Variants in SLC9A8 observed in about 807,000 individuals in gnomAD.
SLC9A8 encodes the protein solute carrier family 9 member A8.
SLC9A8 carries 48 observed loss-of-function variants against 66.6 expected under a neutral mutation model. The ratio of observed to expected loss-of-function variants is 0.72; its 90% CI spans 0.57 to 0.92. The LOEUF is 0.92. SLC9A8 is among the 40% of genes least tolerant of loss of function. The probability of loss-of-function intolerance (pLI) is 0.00; values close to 1 mark genes in which losing one functional copy is unlikely to be tolerated. For missense variants in SLC9A8, 599 were observed against 747.3 expected (o/e 0.80, Z 2.31); for synonymous variants, 274 against 282.6 (o/e 0.97, Z 0.31).
intron 6 of SLC9A8, among the ~76,000 whole-genome samples, chr20:49,850,365 C>G (rs1246535289): frequency 6.6e-6 from 1 of 152,188 alleles, no homozygotes; most frequent in African/African-American, 2.4e-5. Flanking sequence ...TTGCCTGTCT[C>G]AGTTCTGAAA....
At chr20:49,840,946 G>A (rs1323266910) in intron 4 of SLC9A8, among the ~76,000 whole-genome samples, 20 of 147,804 alleles carry the variant, frequency 1.4e-4, no homozygotes, top group African/African-American at 4.5e-4. Flanking sequence ...GTGAAACTCC[G>A]TCTCTAAAAA....
Position 49,839,622 on chromosome 20 carries a change from C to A in SLC9A8, c.348+23C>A. 1.9e-6 allele frequency: 3 copies of A among 1,542,796 alleles called. No homozygotes were observed. In the South Asian group the frequency reaches 3.5e-5, roughly 18 times the overall value. ...AAGGTAGGTTTGCCCTTTGGTTGTT[C>A]TTAATTTTAGTAACATTGATCATTA... is the stretch of plus-strand genomic sequence containing the variant. On this transcript the variant is annotated intron_variant, in intron 4 of 15. Coordinates refer to ENST00000361573, the MANE Select transcript of SLC9A8 (RefSeq NM_015266.3).
chr20:49,821,707 G>A (rs949364971), intron 2 of SLC9A8, among the ~76,000 whole-genome samples: 6 of 152,114 alleles, frequency 3.9e-5, no homozygotes, highest in Non-Finnish European at 7.4e-5. Flanking sequence ...AGAAAGACAT[G>A]CACGCTAACA....
rs768399040 is a variant in SLC9A8, at chr20:49,815,024, A to G, written c.43A>G (p.Thr15Ala). ...GTCCTCCAGGAGGTTCCCCAATACAACTCATGAGGGTTTCAATGTCACCCT... is the reference window on the plus strand; with the variant it reads ...GTCCTCCAGGAGGTTCCCCAATACAGCTCATGAGGGTTTCAATGTCACCCT... The part of the protein sequence containing the change: ...MAEEERFPNT[T>A]HEGFNVTLHT... Residue 15 changes from threonine to alanine, a missense_variant, in exon 2 of 16, where the codon ACT becomes GCT. Coordinates refer to ENST00000361573, the MANE Select transcript of SLC9A8 (RefSeq NM_015266.3). 1.3e-5 allele frequency: 20 copies of G among 1,589,082 alleles called. No individual in the cohort carries two copies. Among genetic ancestry groups the G allele is most frequent in the Non-Finnish European group, 1.6e-5 (19 of 1,166,654 alleles).
At chr20:49,856,535 T>C (rs1043196218) in intron 8 of SLC9A8, among the ~76,000 whole-genome samples, 20 of 152,094 alleles carry the variant, frequency 1.3e-4, no homozygotes, top group African/African-American at 2.9e-4. Context: ...CAAGAAGTCA[T>C]TGGGGGCCAG....
At chr20:49,834,179 C>A (rs867981212) in intron 3 of SLC9A8, among the ~76,000 whole-genome samples, 819 of 54,076 alleles carry the variant, frequency 0.015, no homozygotes, top group Non-Finnish European at 0.021. Flanking sequence ...CTCTCTCTCT[C>A]TCTCTCTATA....
At chr20:49,882,382 G>C (rs1001926767) in intron 13 of SLC9A8, among the ~76,000 whole-genome samples, 33 of 152,176 alleles carry the variant, frequency 2.2e-4, no homozygotes, top group African/African-American at 7.5e-4. Flanking sequence ...TTCTGGCGAG[G>C]ACCACTTCAC....
chr20:49,844,684 C>G (rs2087908569), intron 4 of SLC9A8, among the ~76,000 whole-genome samples: 2 of 149,458 alleles, frequency 1.3e-5, no homozygotes, highest in East Asian at 2.0e-4. Flanking sequence ...CATGTAGTCC[C>G]AGCTACTCAG....
chr20:49,844,874 T>C (rs145668432), intron 4 of SLC9A8, among the ~76,000 whole-genome samples, 162 bp from the exon 5 acceptor site: 189 of 151,266 alleles, frequency 1.2e-3, no homozygotes, highest in Admixed American at 2.2e-3. Flanking sequence ...GGTGGGGGAA[T>C]CTCTCATTCT....
At chr20:49,866,093 T>C (rs1262300285) in intron 10 of SLC9A8, among the ~76,000 whole-genome samples, 1 of 152,232 alleles carries the variant, frequency 6.6e-6, no homozygotes, top group Non-Finnish European at 1.5e-5. Context: ...CCAGTGTGGC[T>C]CCCCTGTGCC....
At chr20:49,827,415 C>T (rs1162445549) in intron 3 of SLC9A8, among the ~76,000 whole-genome samples, 2 of 150,900 alleles carry the variant, frequency 1.3e-5, no homozygotes, top group Non-Finnish European at 3.0e-5. Context: ...ACAACCTGGC[C>T]AACATGGCGA....
intron 14 of SLC9A8, among the ~76,000 whole-genome samples, chr20:49,885,150 C>T (rs775171371): frequency 3.9e-5 from 6 of 152,196 alleles, no homozygotes; most frequent in Admixed American, 1.3e-4. Context: ...GAACTTCCAC[C>T]ACACTAAGAG....
intron 1 of SLC9A8, among the ~76,000 whole-genome samples, chr20:49,813,835 A>T (rs1385632002): frequency 6.6e-6 from 1 of 152,204 alleles, no homozygotes; most frequent in African/African-American, 2.4e-5. Context: ...GACAGGCAGC[A>T]TGGCTGGTGT....
chr20:49,880,759 T>C (rs1329502962), intron 12 of SLC9A8, among the ~76,000 whole-genome samples, 165 bp from the exon 13 acceptor site: 1 of 152,210 alleles, frequency 6.6e-6, no homozygotes, highest in Non-Finnish European at 1.5e-5. Context: ...AGCACGCCCA[T>C]GCTGGGTCTC....
Position 49,886,870 on chromosome 20 carries a change from C to T in SLC9A8, c.1610C>T (p.Pro537Leu). The T allele has an allele frequency of 6.2e-7, 1 of 1,614,124 alleles. No homozygotes were observed. Among genetic ancestry groups the T allele is most frequent in the Non-Finnish European group, 8.5e-7 (1 of 1,179,976 alleles). The change falls in exon 15 of 16, where the codon CCC (proline) becomes CTC (leucine). Residue 537 changes from proline (P) to leucine (L), a missense_variant. Coordinates refer to ENST00000361573, the MANE Select transcript of SLC9A8 (RefSeq NM_015266.3). This position sits in a 1 kb window ranked among gnomAD's most constrained non-coding sequence, Gnocchi z 4.8. The stretch of plus-strand genomic sequence containing the variant: ...TGGCTGGACGCCAAGTACCTGAACC[C>T]CTTCTTCACTCGGAGGCTGACGCAG... The part of the protein sequence containing the change: ...FVWLDAKYLN[P>L]FFTRRLTQED...
chr20:49,834,206 T>C (rs1413741058), intron 3 of SLC9A8, among the ~76,000 whole-genome samples: 26 of 112,206 alleles, frequency 2.3e-4, no homozygotes, highest in African/African-American at 7.8e-4. Flanking sequence ...TATATATATA[T>C]ATATATATAC....
In SLC9A8 at chr20:49,855,523, A is replaced by G. The variant is rs2088437498; in HGVS notation, c.655A>G (p.Asn219Asp). 5 of 1,614,202 alleles carry G rather than the reference A, an allele frequency of 3.1e-6. No individual in the cohort carries two copies. Among genetic ancestry groups the G allele is most frequent in the Non-Finnish European group, 4.2e-6 (5 of 1,180,014 alleles). Residue 219 changes from asparagine (N) to aspartate (D), a missense_variant, in exon 8 of 16, where the codon AAC becomes GAC. Around this residue, in one of 2 missense-constraint regions of SLC9A8, gnomAD observed 467 missense variants for 626.5 expected, o/e 0.75. Coordinates refer to ENST00000361573, the MANE Select transcript of SLC9A8 (RefSeq NM_015266.3). ...FNALHVDPVL[N>D]MLVFGESILN... ...TGCACTTCATGTGGACCCCGTGCTC[A>G]ACATGCTGGTCTTTGGAGAAAGTAT...
chr20:49,858,003 G>A (rs2088576121), intron 8 of SLC9A8, among the ~76,000 whole-genome samples: 1 of 152,186 alleles, frequency 6.6e-6, no homozygotes, highest in Non-Finnish European at 1.5e-5. Context: ...AAGCAAAAAA[G>A]AGAGAAGTAT....
At position 49,881,036 on chromosome 20, in the gene SLC9A8, G is replaced by GT. The variant is rs1412460806; in HGVS notation, c.1270+2dup. 22 of 1,601,050 alleles carry GT rather than the reference G, an allele frequency of 1.4e-5. No individual in the cohort carries two copies. The highest frequency in any genetic ancestry group is 1.9e-5 in the Non-Finnish European group (22 of 1,168,108). On this transcript the variant is annotated splice_donor_variant, in intron 13 of 15. Coordinates refer to ENST00000361573, the MANE Select transcript of SLC9A8 (RefSeq NM_015266.3). LOFTEE classifies it high-confidence loss of function. ...ATGATGTTCATCATGTGGTTTAGTG[G>GT]TAAGTCAAATCTTGGATAAATGGGG...
Sources: gnomAD v4.1 joint callset for allele counts (sites outside exome capture counted in the v4.1 genomes callset) on GRCh38, gnomAD v4.1.1 for gene constraint, gnomAD v4.1.1 regional missense constraint, Gnocchi (gnomAD v3.1) non-coding constraint, MANE v1.5 for transcripts, NCBI Gene and HGNC (gene_info 2026-07-23, HGNC 2026-07-21) for gene names.